Variants in UNC5D observed in about 807,000 individuals in gnomAD.
UNC5D encodes netrin receptor UNC5D.
In UNC5D, 39 loss-of-function variants were observed where a neutral mutation model predicts 105.4. The ratio of observed to expected loss-of-function variants is 0.37; its 90% CI spans 0.29 to 0.48. The LOEUF is 0.48. UNC5D is among the 20% of genes least tolerant of loss of function. UNC5D has a pLI of 0.98. For synonymous variants in UNC5D, 452 were observed against 450.4 expected, an observed-to-expected ratio of 1.00 and a Z score of -0.04; for missense variants, 991 against 1,202.4, an observed-to-expected ratio of 0.82 and a Z score of 2.60.
chr8:35,764,087 G>C (rs1209754612), intron 14 of UNC5D, among the ~76,000 whole-genome samples: 3 of 152,164 alleles, frequency 2.0e-5, no homozygotes, highest in Non-Finnish European at 4.4e-5. Context: ...GCTCTATGTA[G>C]TAGAGCTTGA....
intron 1 of UNC5D, among the ~76,000 whole-genome samples, chr8:35,305,638 TCTC>T (rs1375289491): frequency 2.3e-5 from 3 of 130,640 alleles, no homozygotes; most frequent in Non-Finnish European, 3.3e-5. Flanking sequence ...TTTCTCTCTC[TCTC>T]TTCTTTCTTT....
At chr8:35,397,966 C>T (rs1804209539) in intron 1 of UNC5D, among the ~76,000 whole-genome samples, 1 of 152,196 alleles carries the variant, frequency 6.6e-6, no homozygotes, top group African/African-American at 2.4e-5. Flanking sequence ...TAGAACCATT[C>T]TTTTTGTTAC....
At chr8:35,384,897 C>T (rs1461353014) in intron 1 of UNC5D, among the ~76,000 whole-genome samples, 1 of 152,144 alleles carries the variant, frequency 6.6e-6, no homozygotes, top group South Asian at 2.1e-4. Context: ...TGGGACTAAA[C>T]TTTGGAATCT....
intron 1 of UNC5D, among the ~76,000 whole-genome samples, chr8:35,542,026 C>A (rs112286393): frequency 6.6e-6 from 1 of 151,954 alleles, no homozygotes; most frequent in African/African-American, 2.4e-5. Context: ...AAGATCTGCT[C>A]GATAAAGTAA....
intron 1 of UNC5D, among the ~76,000 whole-genome samples, chr8:35,281,658 T>C (rs1402564743): frequency 6.6e-6 from 1 of 152,142 alleles, no homozygotes; most frequent in Non-Finnish European, 1.5e-5. Context: ...AAGAGCCTTT[T>C]ATGGGCTGTG....
intron 1 of UNC5D, among the ~76,000 whole-genome samples, chr8:35,240,950 C>T (rs2128800946): frequency 6.6e-6 from 1 of 152,212 alleles, no homozygotes; most frequent in Non-Finnish European, 1.5e-5. Flanking sequence ...CTTTTGTTTT[C>T]AATTTTGAAT....
chr8:35,594,051 G>A (rs1187857726), intron 3 of UNC5D, among the ~76,000 whole-genome samples: 2 of 152,102 alleles, frequency 1.3e-5, no homozygotes, highest in Non-Finnish European at 1.5e-5. Flanking sequence ...TGAATCAAAC[G>A]GGCTGTGGCA....
chr8:35,703,230 G>A (rs1475305687), intron 7 of UNC5D, among the ~76,000 whole-genome samples: 2 of 151,792 alleles, frequency 1.3e-5, no homozygotes, highest in Non-Finnish European at 2.9e-5. Flanking sequence ...ATCATAACAG[G>A]TTGAAATTGT....
At chr8:35,719,218 T>C (rs1563701630) in intron 8 of UNC5D, among the ~76,000 whole-genome samples, 2 of 143,820 alleles carry the variant, frequency 1.4e-5, no homozygotes, top group African/African-American at 5.1e-5. Flanking sequence ...GAAGTCAGGG[T>C]AAAAAAATCT....
chr8:35,706,360 A>G (rs1390902285), intron 8 of UNC5D, among the ~76,000 whole-genome samples: 1 of 152,174 alleles, frequency 6.6e-6, no homozygotes, highest in African/African-American at 2.4e-5. Context: ...TGTGGAATCC[A>G]TGGCAGCTGG....
intron 7 of UNC5D, among the ~76,000 whole-genome samples, chr8:35,694,253 G>T (rs562908799): frequency 6.8e-4 from 103 of 152,204 alleles, no homozygotes; most frequent in Non-Finnish European, 1.3e-3. Flanking sequence ...TTGAGCTTCA[G>T]TGAGGCTGGC....
At position 35,774,485 on chromosome 8, in the gene UNC5D, G is replaced by C; in HGVS notation, c.2657+8G>C. 1 of 1,613,716 alleles carries C rather than the reference G, an allele frequency of 6.2e-7. No individual in the cohort carries two copies. The highest frequency in any genetic ancestry group is 8.5e-7 in the Non-Finnish European group (1 of 1,179,818). ...GAAAAACAGCATCAACAGGTAATTG[G>C]GGACAGCTTCTGGAAGACGATGTTA... is the stretch of plus-strand genomic sequence containing the variant. On this transcript the variant is annotated splice_region_variant and intron_variant, in intron 16 of 16. Coordinates refer to ENST00000404895, the MANE Select transcript of UNC5D (RefSeq NM_080872.4).
chr8:35,320,553 T>A (rs1448105465), intron 1 of UNC5D, among the ~76,000 whole-genome samples: 2 of 152,178 alleles, frequency 1.3e-5, no homozygotes, highest in Non-Finnish European at 2.9e-5. Flanking sequence ...TCAAAATATG[T>A]CAAAGAAATA....
At chr8:35,359,199 A>G (rs1801726008) in intron 1 of UNC5D, among the ~76,000 whole-genome samples, 1 of 152,222 alleles carries the variant, frequency 6.6e-6, no homozygotes, top group Non-Finnish European at 1.5e-5. Flanking sequence ...AAAAGGTAGT[A>G]TATTTGTTTT....
chr8:35,761,527 G>T (rs192483161), intron 14 of UNC5D, among the ~76,000 whole-genome samples: 1 of 152,274 alleles, frequency 6.6e-6, no homozygotes, highest in African/African-American at 2.4e-5. Flanking sequence ...TTTACTGCCG[G>T]GATGGGCTGG....
Position 35,245,002 on chromosome 8 carries a change from C to A in UNC5D, c.103+9115C>A, listed in dbSNP as rs181513443. On this transcript the variant is annotated intron_variant, in intron 1 of 16. Coordinates refer to ENST00000404895, the MANE Select transcript of UNC5D (RefSeq NM_080872.4). ...TTCCATTCCTGGAGACAGAGCAAGACCCTGTCCCTCCAAAAAAATTAATTA... is the reference window on the plus strand; with the variant it reads ...TTCCATTCCTGGAGACAGAGCAAGAACCTGTCCCTCCAAAAAAATTAATTA... Among the ~76,000 whole-genome samples, 19 of 152,194 alleles carry A rather than the reference C, an allele frequency of 1.2e-4. No individual in the cohort carries two copies. In the East Asian group the frequency reaches 2.7e-3, roughly 22 times the overall value.
At chr8:35,316,761 G>T (rs1280675139) in intron 1 of UNC5D, among the ~76,000 whole-genome samples, 1 of 152,108 alleles carries the variant, frequency 6.6e-6, no homozygotes, top group Non-Finnish European at 1.5e-5. Flanking sequence ...TCTGTGATGA[G>T]TAATTAAAGT....
chr8:35,430,810 C>T (rs1806581085), intron 1 of UNC5D, among the ~76,000 whole-genome samples: 1 of 152,086 alleles, frequency 6.6e-6, no homozygotes, highest in Non-Finnish European at 1.5e-5. Flanking sequence ...CTGTTCTTCC[C>T]AGAGGTTTAA....
At chr8:35,515,200 C>G (rs1291182766) in intron 1 of UNC5D, among the ~76,000 whole-genome samples, 1 of 152,038 alleles carries the variant, frequency 6.6e-6, no homozygotes, top group Non-Finnish European at 1.5e-5. Context: ...TACCAAAGAT[C>G]TGAATTAATT....
Sources: allele counts gnomAD v4.1 joint callset (sites outside exome capture counted in the v4.1 genomes callset), GRCh38; gene constraint gnomAD v4.1.1; transcripts MANE v1.5; gene names NCBI Gene and HGNC (gene_info 2026-07-23, HGNC 2026-07-21).